The following PTPRT variants were observed in gnomAD, a reference collection of about 807,000 sequenced individuals.
PTPRT encodes protein tyrosine phosphatase receptor type T, also known as receptor-type tyrosine-protein phosphatase T.
In PTPRT, 56 loss-of-function variants were observed where a neutral mutation model predicts 176.8. The ratio of observed to expected loss-of-function variants is 0.32; its 90% CI spans 0.26 to 0.40. PTPRT has a LOEUF of 0.40. Among genes scored for constraint, PTPRT ranks in the 10% least tolerant of loss-of-function variants. PTPRT has a pLI of 1.00. For synonymous variants in PTPRT, 783 were observed against 739.0 expected (o/e 1.06, Z -0.96); for missense variants, 1,540 against 1,908.2 (o/e 0.81, Z 3.60).
chr20:42,363,353 C>T, intron 9 of PTPRT, among the ~76,000 whole-genome samples: 1 of 114,740 alleles, frequency 8.7e-6, no homozygotes, highest in South Asian at 3.3e-4. Context: ...TGTTGTCGCT[C>T]AGGCTGGAGT....
intron 7 of PTPRT, among the ~76,000 whole-genome samples, chr20:42,562,294 G>A (rs1221759915): frequency 2.0e-5 from 3 of 152,142 alleles, no homozygotes; most frequent in Non-Finnish European, 4.4e-5. Flanking sequence ...CCACTGTTTT[G>A]GAGTTCATCA....
chr20:42,337,576 C>T (rs1274341032), intron 11 of PTPRT, among the ~76,000 whole-genome samples: 2 of 152,096 alleles, frequency 1.3e-5, no homozygotes, highest in Non-Finnish European at 2.9e-5. Flanking sequence ...TGTGTATGAC[C>T]CACTCCTTAG....
intron 1 of PTPRT, among the ~76,000 whole-genome samples, chr20:43,047,072 C>T (rs1423106438): frequency 6.6e-6 from 1 of 151,824 alleles, no homozygotes; most frequent in African/African-American, 2.4e-5. Flanking sequence ...CCCTCCCTTC[C>T]CCTCCCTCCT....
At position 42,075,042 on chromosome 20, in the gene PTPRT, A is replaced by G. The variant is rs945457802; in HGVS notation, c.*5837T>C. 5 of 389,856 alleles carry G rather than the reference A, an allele frequency of 1.3e-5. No homozygotes were observed. The highest frequency in any genetic ancestry group is 2.3e-5 in the Non-Finnish European group (5 of 221,424). The allele number at this position is 389,856 out of a possible 1,614,324, so 24.1% of individuals were successfully genotyped here. A position where few individuals can be genotyped will look rare whatever the true frequency, so the allele number is the denominator to read the frequency against. ...AACCTCTCTCCCTGCTGTTCAGTCT[A>G]TGACCTCAAAGGCAGATCCCTGCAA... is the stretch of plus-strand genomic sequence containing the variant. On this transcript the variant is annotated 3_prime_UTR_variant, in exon 31 of 31. Transcript: ENST00000373187.
chr20:42,681,299 T>C (rs577089568), intron 6 of PTPRT, among the ~76,000 whole-genome samples: 1 of 152,286 alleles, frequency 6.6e-6, no homozygotes, highest in South Asian at 2.1e-4. Flanking sequence ...TGTATCTCAT[T>C]TGCCAGACAG....
chr20:42,335,663 T>C (rs905946614), intron 11 of PTPRT, among the ~76,000 whole-genome samples: 10 of 152,166 alleles, frequency 6.6e-5, no homozygotes, highest in African/African-American at 2.2e-4. Context: ...GAGGGAGTTG[T>C]TCTGTTTTGT....
intron 11 of PTPRT, among the ~76,000 whole-genome samples, chr20:42,347,635 C>T (rs962235277): frequency 2.6e-5 from 4 of 152,142 alleles, no homozygotes; most frequent in Non-Finnish European, 4.4e-5. Flanking sequence ...ATCCATGATT[C>T]AATAGCATCA....
chr20:42,330,693 A>G (rs1165421958), intron 11 of PTPRT, among the ~76,000 whole-genome samples: 1 of 152,092 alleles, frequency 6.6e-6, no homozygotes, highest in Non-Finnish European at 1.5e-5. Flanking sequence ...AGCCTGGGCA[A>G]CATAGTGAGA....
chr20:42,949,516 T>C (rs1981096131), intron 1 of PTPRT, among the ~76,000 whole-genome samples: 1 of 152,192 alleles, frequency 6.6e-6, no homozygotes, highest in Non-Finnish European at 1.5e-5. Context: ...TTCTAGCAAA[T>C]GCCACTTGAA....
chr20:42,988,933 C>G (rs909364697), intron 1 of PTPRT, among the ~76,000 whole-genome samples: 1 of 152,222 alleles, frequency 6.6e-6, no homozygotes, highest in African/African-American at 2.4e-5. Flanking sequence ...TAAGACACTT[C>G]ACATGCTTTA....
rs117951029 is a variant in PTPRT at position 42,255,112 on chromosome 20, C to T, written c.2177-6290G>A. ...GCTCCCCACAAAGCAGAAGGGACGA[C>T]AAGACTTCTTATGCCCCTTTTGATG... On this transcript the variant is annotated intron_variant, in intron 13 of 30. Coordinates refer to ENST00000373187, the MANE Select transcript of PTPRT (RefSeq NM_007050.6). Among the ~76,000 whole-genome samples the T allele has an allele frequency of 3.6e-3, 555 of 152,190 alleles. 3 individuals carry two copies. Among genetic ancestry groups the T allele is most frequent in the Middle Eastern group, 0.014 (4 of 294 alleles).
the PTPRT span, among the ~76,000 whole-genome samples, chr20:42,050,857 G>A: frequency 9.2e-5 from 14 of 152,232 alleles, no homozygotes; most frequent in Non-Finnish European, 1.9e-4. Flanking sequence ...GGACCCACTG[G>A]CTATTACTGA....
At chr20:42,793,241 G>C (rs2077403162) in intron 2 of PTPRT, among the ~76,000 whole-genome samples, 1 of 152,282 alleles carries the variant, frequency 6.6e-6, no homozygotes, top group African/African-American at 2.4e-5. Flanking sequence ...TGGATATGTT[G>C]CATAGTGGCA....
intron 1 of PTPRT, among the ~76,000 whole-genome samples, chr20:43,142,694 C>A (rs1443354304): frequency 6.6e-6 from 1 of 152,200 alleles, no homozygotes; most frequent in Non-Finnish European, 1.5e-5. Flanking sequence ...AAATAATTAG[C>A]ATTCATGCTG....
chr20:42,951,731 C>T (rs184217931), intron 1 of PTPRT, among the ~76,000 whole-genome samples: 159 of 152,228 alleles, frequency 1.0e-3, no homozygotes, highest in African/African-American at 3.4e-3. Context: ...AGTGGATACA[C>T]GGAGGCAGAA....
At chr20:42,219,678 C>T (rs1033436709) in intron 15 of PTPRT, among the ~76,000 whole-genome samples, 3 of 152,206 alleles carry the variant, frequency 2.0e-5, no homozygotes, top group African/African-American at 4.8e-5. Flanking sequence ...GTATTATCTC[C>T]ATTTTGCAGT....
At chr20:42,261,265 C>A (rs2056743813) in intron 13 of PTPRT, among the ~76,000 whole-genome samples, 1 of 152,102 alleles carries the variant, frequency 6.6e-6, no homozygotes. Flanking sequence ...CCAATCACTG[C>A]CCCTGTTGTC....
At chr20:42,551,302 C>A (rs1227431556) in intron 7 of PTPRT, among the ~76,000 whole-genome samples, 1 of 152,086 alleles carries the variant, frequency 6.6e-6, no homozygotes. Context: ...TCATACACTT[C>A]CCCGTGGGCT....
chr20:42,215,637 C>A (rs181251798), intron 15 of PTPRT, among the ~76,000 whole-genome samples: 82 of 84,260 alleles, frequency 9.7e-4, no homozygotes, highest in Middle Eastern at 6.5e-3. Flanking sequence ...CGAAACCAAA[C>A]CAGCCAGTGG....
Sources: allele counts gnomAD v4.1 joint callset (sites outside exome capture counted in the v4.1 genomes callset), GRCh38; gene constraint gnomAD v4.1.1; transcripts MANE v1.5; gene names NCBI Gene and HGNC (gene_info 2026-07-23, HGNC 2026-07-21).